C11orf65: variants seen among roughly 807,000 people sequenced by gnomAD.
The protein encoded by C11orf65 is protein MFI.
A neutral mutation model predicts 35.3 loss-of-function variants in C11orf65; 38 were observed. The observed-to-expected ratio is 1.08, with a 90% CI of 0.83 to 1.41. The LOEUF is 1.41. C11orf65 is among the 40% of genes most tolerant of loss of function. The probability of loss-of-function intolerance (pLI) is 0.00; values close to 1 mark genes in which losing one functional copy is unlikely to be tolerated. For missense variants in C11orf65, 370 were observed against 367.1 expected, an observed-to-expected ratio of 1.01 and a Z score of -0.06; for synonymous variants, 105 against 114.4, an observed-to-expected ratio of 0.92 and a Z score of 0.53.
chr11:108,433,270 T>G (rs546465677), intron 2 of C11orf65, among the ~76,000 whole-genome samples: 3 of 148,068 alleles, frequency 2.0e-5, no homozygotes, highest in South Asian at 4.2e-4. Flanking sequence ...TCTATATATA[T>G]ATAGATATAT....
intron 2 of C11orf65, among the ~76,000 whole-genome samples, chr11:108,458,520 T>C (rs1237587243): frequency 6.6e-6 from 1 of 152,102 alleles, no homozygotes; most frequent in African/African-American, 2.4e-5. Flanking sequence ...CAGACTTGGG[T>C]GTCGTTTCCC....
At chr11:108,332,965 G>GGCTCTATAAC in intron 3 of C11orf65, 1 of 1,551,316 alleles carries the variant, frequency 6.4e-7, no homozygotes, top group Non-Finnish European at 8.8e-7. Flanking sequence ...AGATATATTA[G>GGCTCTATAAC]TTATAGAGCC....
At chr11:108,335,682 T>C (rs1016442597) in intron 2 of C11orf65, among the ~76,000 whole-genome samples, 1 of 152,212 alleles carries the variant, frequency 6.6e-6, no homozygotes, top group African/African-American at 2.4e-5. Context: ...TGTAGCTTAT[T>C]CTAAATGAAA....
At chr11:108,391,238 G>A (rs1010019599) in intron 7 of C11orf65, among the ~76,000 whole-genome samples, 2 of 151,858 alleles carry the variant, frequency 1.3e-5, no homozygotes, top group African/African-American at 4.8e-5. Flanking sequence ...ATTCTTTATT[G>A]TAGTTGAGTA....
chr11:108,356,673 C>T (rs537731866), intron 2 of C11orf65, among the ~76,000 whole-genome samples: 2 of 151,862 alleles, frequency 1.3e-5, no homozygotes, highest in South Asian at 4.2e-4. Context: ...TTGGGAGTTT[C>T]TTCCAGTACT....
chr11:108,386,485 A>G (rs140789095), intron 7 of C11orf65, among the ~76,000 whole-genome samples: 1,993 of 152,336 alleles, frequency 0.013, 34 homozygotes, highest in South Asian at 0.017. Flanking sequence ...GAACACGTTA[A>G]GAGATACATT....
chr11:108,333,674 A>G (rs2086520836), intron 3 of C11orf65, among the ~76,000 whole-genome samples: 1 of 152,192 alleles, frequency 6.6e-6, no homozygotes, highest in African/African-American at 2.4e-5. Context: ...TTGTCAGGTA[A>G]CCTGCAAATT....
intron 2 of C11orf65, among the ~76,000 whole-genome samples, chr11:108,369,873 G>A (rs1318663429): frequency 1.3e-5 from 2 of 152,134 alleles, no homozygotes; most frequent in East Asian, 3.9e-4. Flanking sequence ...GAGATTAAAT[G>A]TTTTAGTATA....
exon 7 of C11orf65, chr11:108,309,051 A>G: frequency 6.6e-7 from 1 of 1,515,976 alleles, no homozygotes; most frequent in South Asian, 1.2e-5. Context: ...TTAATGCTGA[A>G]TAAGATCCTG....
chr11:108,392,565 T>C (rs777248631), intron 7 of C11orf65, among the ~76,000 whole-genome samples: 1 of 152,218 alleles, frequency 6.6e-6, no homozygotes, highest in Non-Finnish European at 1.5e-5. Flanking sequence ...GCTCTATGTT[T>C]AACCACTTGA....
chr11:108,369,163 C>T (rs1383261358), intron 2 of C11orf65: 1 of 157,718 alleles, frequency 6.3e-6, no homozygotes, highest in Admixed American at 6.5e-5. Context: ...GCATGGGACT[C>T]GTTCTAAGGA....
At chr11:108,431,948 A>T (rs994826889) in intron 2 of C11orf65, 110 bp from the exon 3 acceptor site, 5 of 526,832 alleles carry the variant, frequency 9.5e-6, no homozygotes, top group Middle Eastern at 7.8e-4. Context: ...ATAGATTTTT[A>T]TGTATCCACA....
chr11:108,327,568 T>C (rs1006953772), downstream of C11orf65: 60 of 1,230,344 alleles, frequency 4.9e-5, no homozygotes, highest in Non-Finnish European at 7.0e-5. Context: ...AACCTGCTTT[T>C]TTCCCCGTAC....
chr11:108,308,920 G>C, exon 7 of C11orf65: 1 of 1,100,018 alleles, frequency 9.1e-7, no homozygotes, highest in South Asian at 1.3e-5. Context: ...GAGAGCATTT[G>C]TTTTCTTGGT....
chr11:108,405,638 A>T, intron 5 of C11orf65, 79 bp from the exon 6 acceptor site: 1 of 1,403,618 alleles, frequency 7.1e-7, no homozygotes, highest in East Asian at 2.3e-5. Flanking sequence ...AAGAACTTCT[A>T]TGTGTTCAGT....
intron 2 of C11orf65, among the ~76,000 whole-genome samples, chr11:108,357,505 CA>C (rs1327089750): frequency 3.3e-5 from 5 of 152,218 alleles, no homozygotes; most frequent in Non-Finnish European, 5.9e-5. Flanking sequence ...CACAGACAAA[CA>C]AAAAGACAGC....
chr11:108,345,998 G>A, intron 2 of C11orf65: 8 of 1,451,578 alleles, frequency 5.5e-6, no homozygotes, highest in Non-Finnish European at 7.7e-6. Flanking sequence ...TACATTCTGA[G>A]TTGCAGGGGG....
intron 2 of C11orf65, among the ~76,000 whole-genome samples, chr11:108,447,461 G>C (rs997812523): frequency 5.3e-5 from 8 of 151,994 alleles, no homozygotes; most frequent in Non-Finnish European, 1.2e-4. Flanking sequence ...CATCAAACTA[G>C]AACTCAGGAT....
At chr11:108,441,989 G>A (rs1372019138) in intron 2 of C11orf65, among the ~76,000 whole-genome samples, 1 of 152,222 alleles carries the variant, frequency 6.6e-6, no homozygotes, top group Non-Finnish European at 1.5e-5. Flanking sequence ...TGAGTTGAGA[G>A]AAGAAGGCTT....
Sources: allele counts gnomAD v4.1 joint callset (sites outside exome capture counted in the v4.1 genomes callset), GRCh38; gene constraint gnomAD v4.1.1; transcripts MANE v1.5; gene names NCBI Gene and HGNC (gene_info 2026-07-23, HGNC 2026-07-21).